Variants in LBP observed in about 807,000 individuals in gnomAD.
LBP encodes the protein lipopolysaccharide binding protein.
LBP carries 53 observed loss-of-function variants against 56.6 expected under a neutral mutation model. That is an observed-to-expected ratio of 0.94 (90% CI 0.75 to 1.18). The LOEUF is 1.18. LBP is among the 50% of genes most tolerant of loss of function. The pLI is 0.00. For missense variants in LBP, 601 were observed against 598.3 expected (o/e 1.00, Z -0.05); for synonymous variants, 227 against 247.5 (o/e 0.92, Z 0.78).
intron 6 of LBP, among the ~76,000 whole-genome samples, chr20:38,361,692 A>G (rs1053406427): frequency 7.9e-5 from 12 of 152,122 alleles, no homozygotes; most frequent in African/African-American, 2.9e-4. Context: ...GGCACGAGCC[A>G]CTGTGCCAGC....
At chr20:38,346,779 C>A in intron 1 of LBP, 139 bp downstream of exon 1, 1 of 1,224,768 alleles carries the variant, frequency 8.2e-7, no homozygotes, top group Non-Finnish European at 1.1e-6. Context: ...GTGGCTCTGG[C>A]TCCTATTCTG....
intron 9 of LBP, among the ~76,000 whole-genome samples, 192 bp downstream of exon 9, chr20:38,367,020 A>G (rs3819023): frequency 0.042 from 6,406 of 152,302 alleles, 203 homozygotes; most frequent in South Asian, 0.13. Flanking sequence ...TTGTGGGACC[A>G]CAGCTTGTCC....
rs1600721415 is a variant in LBP, at chr20:38,349,401, A to G, written c.125-147A>G. On this transcript the variant is annotated intron_variant, in intron 1 of 14. Coordinates refer to ENST00000217407, the MANE Select transcript of LBP (RefSeq NM_004139.5). ...GAATGTCCCTCATGCTACCTGGCAC[A>G]CAGAGGGGCTCATATCCTGTCATTG... is the stretch of plus-strand genomic sequence containing the variant. 7 of 658,820 alleles carry G rather than the reference A, an allele frequency of 1.1e-5. No individual in the cohort carries two copies. In the East Asian group the frequency reaches 1.9e-4, roughly 18 times the overall value. 40.8% of individuals were successfully genotyped at this position (658,820 alleles called of 1,614,324 possible). A position where few individuals can be genotyped will look rare whatever the true frequency, so the allele number is the denominator to read the frequency against.
rs149725981 is a variant in LBP, at chr20:38,357,107, A to C, written c.588+1698A>C. 3.9e-3 allele frequency among the ~76,000 whole-genome samples: 588 copies of C among 152,290 alleles called. 6 individuals carry two copies. Among genetic ancestry groups the C allele is most frequent in the African/African-American group, 0.014 (563 of 41,560 alleles). ...CCTGACCTCATGATCTGCTCACCTC[A>C]GTGTCCCAAAGTGCTGAGATTACAG... On this transcript the variant is annotated intron_variant, in intron 5 of 14. Transcript: ENST00000217407.
At chr20:38,369,193 TCCTTTTCCCCACATGCTTTTC>T (rs749126431) in intron 10 of LBP, 31 bp downstream of exon 10, 11 of 1,583,842 alleles carry the variant, frequency 6.9e-6, no homozygotes, top group South Asian at 5.7e-5. Context: ...AAATGCTGTT[TCCTTTTCCCCACATGCTTTTC>T]CCTTTTCCCC....
At chr20:38,359,508 G>A (rs959869473) in intron 5 of LBP, among the ~76,000 whole-genome samples, 9 of 152,092 alleles carry the variant, frequency 5.9e-5, no homozygotes, top group Admixed American at 5.2e-4. Flanking sequence ...CTTGAACCTG[G>A]GAGGCAGAAG....
At chr20:38,359,300 G>C (rs1489141553) in intron 5 of LBP, among the ~76,000 whole-genome samples, 1 of 152,060 alleles carries the variant, frequency 6.6e-6, no homozygotes, top group East Asian at 1.9e-4. Context: ...TATAGCTGGG[G>C]CCGGGCATGG....
At chr20:38,357,454 C>G (rs371125162) in intron 5 of LBP, among the ~76,000 whole-genome samples, 2 of 152,182 alleles carry the variant, frequency 1.3e-5, no homozygotes, top group African/African-American at 4.8e-5. Context: ...GGATGTGGTA[C>G]CTGGACCAGC....
intron 6 of LBP, among the ~76,000 whole-genome samples, chr20:38,362,397 GA>G (rs2076864132): frequency 6.8e-6 from 1 of 147,722 alleles, no homozygotes; most frequent in African/African-American, 2.5e-5. Flanking sequence ...TGGATTACCT[GA>G]GGTCAGGAGT....
chr20:38,350,906 T>A lies in LBP; in HGVS notation c.335T>A (p.Val112Asp), dbSNP rs138570528. Residue 112 changes from valine to aspartate, a missense_variant, in exon 3 of 15, where the codon GTC becomes GAC. Physicochemically the swap from Val to Asp is radical, Grantham distance 152. Transcript: ENST00000217407. ...SLSISDSSIR[V>D]QGRWKVRKSF... ...AGCATCTCCGACTCCTCCATCCGGG[T>A]CCAGGGCAGGTGGAAGGTGCGCAAG... The A allele has an allele frequency of 7.9e-4, 1,272 of 1,614,020 alleles. 3 individuals are homozygous for A. The highest frequency in any genetic ancestry group is 9.8e-4 in the Non-Finnish European group (1,154 of 1,179,954).
chr20:38,366,850 C>T lies in LBP; in HGVS notation c.981+22C>T, dbSNP rs1325525296. On this transcript the variant is annotated intron_variant, in intron 9 of 14. Coordinates refer to ENST00000217407, the MANE Select transcript of LBP (RefSeq NM_004139.5). ...ACGGGTAAGGAGTCCCTTAGTTCCC[C>T]ATGAGTGCAGACCGAGCCTACTAGA... The T allele has an allele frequency of 2.5e-6, 4 of 1,608,182 alleles. No individual in the cohort carries two copies. In the East Asian group the frequency reaches 6.7e-5, roughly 27 times the overall value.
At chr20:38,362,588 G>A (rs538523846) in intron 6 of LBP, among the ~76,000 whole-genome samples, 3 of 151,236 alleles carry the variant, frequency 2.0e-5, no homozygotes, top group Non-Finnish European at 2.9e-5. Context: ...ACTCCAGCCT[G>A]GGCAACAGAA....
At chr20:38,364,537 G>C in intron 7 of LBP, 39 bp from the exon 8 acceptor site, 1 of 1,607,504 alleles carries the variant, frequency 6.2e-7, no homozygotes, top group Admixed American at 1.7e-5. Flanking sequence ...CCCACGATAG[G>C]CTTTGAAAAG....
chr20:38,376,276 T>C (rs2122632401), intron 14 of LBP, among the ~76,000 whole-genome samples: 1 of 152,256 alleles, frequency 6.6e-6, no homozygotes, highest in African/African-American at 2.4e-5. Context: ...TTCCTGCCCC[T>C]CTGGGTGATG....
chr20:38,376,480 C>G (rs6127887), intron 14 of LBP, 145 bp from the exon 15 acceptor site: 13,463 of 738,532 alleles, frequency 0.018, 974 homozygotes, highest in East Asian at 0.17. Flanking sequence ...AGCTTGGGGA[C>G]TGAGGCACAC....
rs144690932 is a variant in LBP, at chr20:38,350,889, C to T, written c.318C>T (p.Ser106=). The change falls in exon 3 of 15, where the codon TCC becomes TCT. Residue 106 remains serine, a synonymous_variant. Coordinates refer to ENST00000217407, the MANE Select transcript of LBP (RefSeq NM_004139.5). ...GCCAGGGCCTGAGTCTCAGCATCTCCGACTCCTCCATCCGGGTCCAGGGCA... is the reference window on the plus strand; with the variant it reads ...GCCAGGGCCTGAGTCTCAGCATCTCTGACTCCTCCATCCGGGTCCAGGGCA... ...VPGQGLSLSI[S]DSSIRVQGRW... 3.7e-5 allele frequency: 60 copies of T among 1,613,938 alleles called. No individual in the cohort carries two copies. Among genetic ancestry groups the T allele is most frequent in the Admixed American group, 5.0e-5 (3 of 60,012 alleles).
chr20:38,375,222 G>A (rs2083951696), intron 14 of LBP, among the ~76,000 whole-genome samples: 1 of 150,084 alleles, frequency 6.7e-6, no homozygotes, highest in South Asian at 2.1e-4. Flanking sequence ...TGTTTGTTTT[G>A]CACAGTTGCA....
chr20:38,376,492 C>T, intron 14 of LBP, 133 bp from the exon 15 acceptor site: 4 of 795,150 alleles, frequency 5.0e-6, no homozygotes, highest in South Asian at 3.0e-5. Context: ...GAGGCACACT[C>T]GCAATTTATG....
intron 11 of LBP, 125 bp from the exon 12 acceptor site, chr20:38,371,155 C>T: frequency 2.8e-6 from 2 of 704,804 alleles, no homozygotes; most frequent in South Asian, 1.8e-5. Flanking sequence ...CTTTTCCACT[C>T]CTGCTCCCGC....
Sources: allele counts gnomAD v4.1 joint callset (sites outside exome capture counted in the v4.1 genomes callset), GRCh38; gene constraint gnomAD v4.1.1; transcripts MANE v1.5; gene names NCBI Gene and HGNC (gene_info 2026-07-23, HGNC 2026-07-21).